Variants in RGS6 observed in about 807,000 individuals in gnomAD.
RGS6 encodes the protein regulator of G protein signaling 6.
RGS6 carries 30 observed loss-of-function variants against 78.5 expected under a neutral mutation model. The ratio of observed to expected loss-of-function variants is 0.38; its 90% CI spans 0.29 to 0.52. The LOEUF (loss-of-function observed/expected upper bound fraction) is 0.52. Among genes scored for constraint, RGS6 ranks in the 20% least tolerant of loss-of-function variants. RGS6 has a pLI of 0.85. For missense variants in RGS6, 495 were observed against 609.7 expected, an observed-to-expected ratio of 0.81 and a Z score of 1.98; for synonymous variants, 206 against 206.0, an observed-to-expected ratio of 1.00 and a Z score of 0.00.
the RGS6 span, among the ~76,000 whole-genome samples, chr14:72,593,526 A>G: frequency 6.6e-6 from 1 of 152,158 alleles, no homozygotes; most frequent in African/African-American, 2.4e-5. Context: ...CTGAGGTTAC[A>G]GGCACATGCC....
At chr14:71,873,249 G>A in the RGS6 span, among the ~76,000 whole-genome samples, 1 of 152,148 alleles carries the variant, frequency 6.6e-6, no homozygotes, top group Admixed American at 6.5e-5. Context: ...CTAGTTCACA[G>A]TCCCACAAAC....
intron 3 of RGS6, among the ~76,000 whole-genome samples, chr14:72,444,556 T>C (rs1337997959): frequency 6.6e-6 from 1 of 152,228 alleles, no homozygotes; most frequent in African/African-American, 2.4e-5. Context: ...GCCCATCCTT[T>C]CTCGGTCTGG....
intron 2 of RGS6, among the ~76,000 whole-genome samples, chr14:72,015,353 C>T (rs561154025): frequency 1.3e-5 from 2 of 152,296 alleles, no homozygotes; most frequent in East Asian, 3.9e-4. Flanking sequence ...GCCATTATGG[C>T]CCAAACACCT....
intron 2 of RGS6, among the ~76,000 whole-genome samples, chr14:72,095,270 T>C (rs1397454591): frequency 1.3e-5 from 2 of 152,040 alleles, no homozygotes; most frequent in African/African-American, 4.8e-5. Context: ...AACTGAATCA[T>C]TGGTGGTTTT....
chr14:72,547,375 C>T, intron 17 of RGS6: 2 of 1,429,670 alleles, frequency 1.4e-6, no homozygotes, highest in South Asian at 1.2e-5. Context: ...GAAGTAAGAC[C>T]CCCCCCCGAC....
At chr14:72,385,501 C>T (rs552978839) in intron 3 of RGS6, among the ~76,000 whole-genome samples, 1 of 152,286 alleles carries the variant, frequency 6.6e-6, no homozygotes, top group South Asian at 2.1e-4. Flanking sequence ...ATTCCTTAAA[C>T]ATATAGTAGG....
chr14:72,050,114 A>G (rs1217029614), intron 2 of RGS6, among the ~76,000 whole-genome samples: 1 of 152,172 alleles, frequency 6.6e-6, no homozygotes, highest in Non-Finnish European at 1.5e-5. Context: ...TTTGCAAATG[A>G]AGTCCCAATT....
At chr14:72,604,508 G>A in the RGS6 span, among the ~76,000 whole-genome samples, 6 of 152,156 alleles carry the variant, frequency 3.9e-5, no homozygotes, top group East Asian at 1.9e-4. Flanking sequence ...CAGTTGGCCC[G>A]TTGCTTCCAC....
chr14:72,427,515 A>T (rs1289508647), intron 3 of RGS6, among the ~76,000 whole-genome samples: 1 of 152,160 alleles, frequency 6.6e-6, no homozygotes, highest in East Asian at 1.9e-4. Flanking sequence ...CTCTGCCCAA[A>T]TTGCAGATTT....
the RGS6 span, among the ~76,000 whole-genome samples, chr14:71,901,045 A>G: frequency 6.6e-6 from 1 of 152,180 alleles, no homozygotes; most frequent in Non-Finnish European, 1.5e-5. Context: ...CCATGATCCA[A>G]TCACCTTCCA....
intron 12 of RGS6, among the ~76,000 whole-genome samples, chr14:72,488,655 A>G (rs1183067031): frequency 6.6e-6 from 1 of 152,208 alleles, no homozygotes; most frequent in Non-Finnish European, 1.5e-5. Flanking sequence ...CTTCATTGCC[A>G]TGCATATAGT....
At chr14:72,357,263 G>GA (rs59962898) in intron 3 of RGS6, among the ~76,000 whole-genome samples, 1,849 of 131,140 alleles carry the variant, frequency 0.014, 24 homozygotes, top group East Asian at 0.032. Context: ...CCCTGTCTCA[G>GA]AAAAAAAAAA....
chr14:72,590,606 T>G, the RGS6 span, among the ~76,000 whole-genome samples: 1 of 152,180 alleles, frequency 6.6e-6, no homozygotes, highest in Non-Finnish European at 1.5e-5. Context: ...GAAGAAGGGG[T>G]TGCAGGGGCC....
intron 17 of RGS6, among the ~76,000 whole-genome samples, chr14:72,548,102 T>A (rs1338715690): frequency 6.6e-6 from 1 of 152,126 alleles, no homozygotes; most frequent in African/African-American, 2.4e-5. Flanking sequence ...AATCCGTCTA[T>A]GTCCGCTGGA....
chr14:72,234,971 G>A (rs1418255004), intron 2 of RGS6, among the ~76,000 whole-genome samples: 1 of 152,164 alleles, frequency 6.6e-6, no homozygotes, highest in African/African-American at 2.4e-5. Context: ...CCACCTCAGA[G>A]ACGATATTCT....
At chr14:71,925,671 A>C in the RGS6 span, among the ~76,000 whole-genome samples, 2 of 139,422 alleles carry the variant, frequency 1.4e-5, no homozygotes, top group Admixed American at 1.5e-4. Context: ...TCCTTTTCAC[A>C]ATGCATTTTC....
chr14:72,618,227 T>C, the RGS6 span, among the ~76,000 whole-genome samples: 1 of 152,140 alleles, frequency 6.6e-6, no homozygotes. Flanking sequence ...AAATTCCCAG[T>C]CAGGTCTCAG....
At chr14:71,870,128 A>G in the RGS6 span, among the ~76,000 whole-genome samples, 2 of 152,078 alleles carry the variant, frequency 1.3e-5, no homozygotes, top group African/African-American at 4.8e-5. Context: ...TCACCCAATC[A>G]ATTTCTTTTG....
chr14:71,868,889 A>G, the RGS6 span, among the ~76,000 whole-genome samples: 1 of 152,184 alleles, frequency 6.6e-6, no homozygotes, highest in African/African-American at 2.4e-5. Context: ...CAAAGTGTGG[A>G]AGTTCATGCC....
Sources: gnomAD v4.1 joint callset for allele counts (sites outside exome capture counted in the v4.1 genomes callset) on GRCh38, gnomAD v4.1.1 for gene constraint, MANE v1.5 for transcripts, NCBI Gene and HGNC (gene_info 2026-07-23, HGNC 2026-07-21) for gene names.